Variants in POTEH observed in about 807,000 individuals in gnomAD.
POTEH encodes the protein ANKRD26-like family C member 3.
POTEH carries 6 observed loss-of-function variants against 41.7 expected under a neutral mutation model. The ratio of observed to expected loss-of-function variants is 0.14; its 90% CI spans 0.08 to 0.28. The LOEUF (loss-of-function observed/expected upper bound fraction) is 0.28, where lower values mean the gene tolerates loss of function less well. POTEH is among the 10% of genes least tolerant of loss of function. POTEH has a pLI of 1.00. For synonymous variants in POTEH, 38 were observed against 179.9 expected, an observed-to-expected ratio of 0.21 and a Z score of 6.31; for missense variants, 115 against 533.5, an observed-to-expected ratio of 0.22 and a Z score of 7.73.
At chr22:15,708,818 T>C in intron 7 of POTEH, among the ~76,000 whole-genome samples, 1 of 89,242 alleles carries the variant, frequency 1.1e-5, no homozygotes, top group African/African-American at 4.9e-5. Flanking sequence ...TATTGGATTA[T>C]ATTATTAAGC....
intron 1 of POTEH, among the ~76,000 whole-genome samples, chr22:15,693,395 A>G (rs1569284108): frequency 6.6e-6 from 1 of 152,170 alleles, no homozygotes; most frequent in East Asian, 1.9e-4. Flanking sequence ...TTGGCTATCT[A>G]CTGTGAACTT....
intron 1 of POTEH, 105 bp downstream of exon 1, chr22:15,690,814 T>A (rs1470157018): frequency 1.5e-6 from 2 of 1,344,792 alleles, no homozygotes; most frequent in African/African-American, 3.1e-5. Flanking sequence ...TCCACAGGCC[T>A]CACACCACCC....
chr22:15,714,524 A>G (rs1989892027), intron 9 of POTEH, among the ~76,000 whole-genome samples: 1 of 152,020 alleles, frequency 6.6e-6, no homozygotes, highest in Non-Finnish European at 1.5e-5. Context: ...TCTAGTGCTT[A>G]AAAACTCCAG....
At position 15,690,800 on chromosome 22, in the gene POTEH, T is replaced by C. The variant is rs1208472048; in HGVS notation, c.632+91T>C. On this transcript the variant is annotated intron_variant, in intron 1 of 10. Coordinates refer to ENST00000343518, the MANE Select transcript of POTEH (RefSeq NM_001136213.1). ...GGGGAGGAGGGGAGCCTGGTTTTCT[T>C]GCCTCCACAGGCCTCACACCACCCT... 3.5e-4 allele frequency: 486 copies of C among 1,376,766 alleles called. 78 individuals carry two copies. In the South Asian group the frequency reaches 5.3e-3, roughly 15 times the overall value. The allele number at this position is 1,376,766 out of a possible 1,614,324, so 85.3% of individuals were successfully genotyped here.
intron 1 of POTEH, among the ~76,000 whole-genome samples, chr22:15,694,216 A>C (rs1289459147): frequency 6.7e-5 from 5 of 74,970 alleles, no homozygotes; most frequent in Admixed American, 3.4e-4. Context: ...GAAGCAGGAA[A>C]TAGAATGAAC....
chr22:15,690,054 G>T lies in POTEH; in HGVS notation c.-24G>T, dbSNP rs767254502. The T allele has an allele frequency of 2.9e-5, 40 of 1,397,862 alleles. 11 individuals carry two copies. Among genetic ancestry groups the T allele is most frequent in the Non-Finnish European group, 3.2e-5 (32 of 1,008,034 alleles). The allele number at this position is 1,397,862 out of a possible 1,614,324, so 86.6% of individuals were successfully genotyped here. A position where few individuals can be genotyped will look rare whatever the true frequency, so the allele number is the denominator to read the frequency against. ...AGACGCGATCTGCTGGCTACTACCGGCCTTCCCTGGCTGTTAAAAGCAGAT... is the reference window on the plus strand; with the variant it reads ...AGACGCGATCTGCTGGCTACTACCGTCCTTCCCTGGCTGTTAAAAGCAGAT... On this transcript the variant is annotated 5_prime_UTR_variant, in exon 1 of 11. Coordinates refer to ENST00000343518, the MANE Select transcript of POTEH (RefSeq NM_001136213.1).
chr22:15,690,055 C>A lies in POTEH; in HGVS notation c.-23C>A, dbSNP rs199708248. On this transcript the variant is annotated 5_prime_UTR_variant, in exon 1 of 11. Coordinates refer to ENST00000343518, the MANE Select transcript of POTEH (RefSeq NM_001136213.1). ...GACGCGATCTGCTGGCTACTACCGG[C>A]CTTCCCTGGCTGTTAAAAGCAGATG... 67 of 1,397,812 alleles carry A rather than the reference C, an allele frequency of 4.8e-5. 17 individuals are homozygous for A. Among genetic ancestry groups the A allele is most frequent in the Non-Finnish European group, 6.4e-5 (65 of 1,008,042 alleles). The allele number at this position is 1,397,812 out of a possible 1,614,324, so 86.6% of individuals were successfully genotyped here.
chr22:15,705,372 T>C (rs1352493219), intron 6 of POTEH, among the ~76,000 whole-genome samples: 1 of 135,676 alleles, frequency 7.4e-6, no homozygotes, highest in Non-Finnish European at 1.6e-5. Context: ...TTTTTTTTTT[T>C]TTTGGTGTTA....
At position 15,691,355 on chromosome 22, in the gene POTEH, C is replaced by G. The variant is rs1414783291; in HGVS notation, c.632+646C>G. On this transcript the variant is annotated intron_variant, in intron 1 of 10. Transcript: ENST00000343518. ...TTGCTAACACGGTGAAACCCCGTCT[C>G]TACTAAAAAATATAAAAAAAATTAG... 7.0e-3 allele frequency among the ~76,000 whole-genome samples: 889 copies of G among 126,860 alleles called. 20 individuals carry two copies. Among genetic ancestry groups the G allele is most frequent in the African/African-American group, 0.025 (860 of 34,588 alleles). 83.2% of individuals were successfully genotyped at this position (126,860 alleles called of 152,430 possible). A position where few individuals can be genotyped will look rare whatever the true frequency, so the allele number is the denominator to read the frequency against.
Position 15,712,870 on chromosome 22 carries a change from T to C in POTEH, c.1520+1836T>C, listed in dbSNP as rs529158787. 1.3e-5 allele frequency among the ~76,000 whole-genome samples: 2 copies of C among 148,340 alleles called. 1 individual carries two copies. The highest frequency in any genetic ancestry group is 4.2e-4 in the East Asian group (2 of 4,762). On this transcript the variant is annotated intron_variant, in intron 9 of 10. Coordinates refer to ENST00000343518, the MANE Select transcript of POTEH (RefSeq NM_001136213.1). ...GACCTTTAGTATTTCTTGGTCTTTA[T>C]GTATAAGCATGAATGAACAAAATGA...
chr22:15,691,557 C>G (rs981123748), intron 1 of POTEH, among the ~76,000 whole-genome samples: 1 of 135,314 alleles, frequency 7.4e-6, no homozygotes, highest in East Asian at 2.1e-4. Flanking sequence ...TGAGCTTTTT[C>G]TATTTATCAC....
At chr22:15,711,327 G>A (rs1285541021) in intron 9 of POTEH, among the ~76,000 whole-genome samples, 3 of 152,194 alleles carry the variant, frequency 2.0e-5, no homozygotes, top group African/African-American at 7.2e-5. Flanking sequence ...TGGAGGTTTG[G>A]GTACAGATTA....
rs768991276 is a variant in POTEH at position 15,690,117 on chromosome 22, G to A, written c.40G>A (p.Val14Met). The change falls in exon 1 of 11, where the codon GTG becomes ATG. Residue 14 changes from valine to methionine, a missense_variant. Physicochemically the swap from Val to Met is conservative, Grantham distance 21. Transcript: ENST00000343518. ...EAGSMPAASSVKKPFGLRSKM... is the reference protein window; with the variant it reads ...EAGSMPAASSMKKPFGLRSKM... ...TGGTTCAATGCCGGCTGCCTCCTCTGTGAAGAAGCCATTTGGTCTCAGAAG... is the reference window on the plus strand; with the variant it reads ...TGGTTCAATGCCGGCTGCCTCCTCTATGAAGAAGCCATTTGGTCTCAGAAG... 12 of 1,407,716 alleles carry A rather than the reference G, an allele frequency of 8.5e-6. 2 individuals are homozygous for A. Among genetic ancestry groups the A allele is most frequent in the Non-Finnish European group, 1.2e-5 (12 of 1,014,594 alleles). 87.2% of individuals were successfully genotyped at this position (1,407,716 alleles called of 1,614,324 possible). A position where few individuals can be genotyped will look rare whatever the true frequency, so the allele number is the denominator to read the frequency against.
chr22:15,690,918 A>T lies in POTEH; in HGVS notation c.632+209A>T, dbSNP rs541563870. ...TTAGCTGATTTCCAATCAAATCATAATTTCCTTCCTAGAACACGAATAGAC... is the reference window on the plus strand; with the variant it reads ...TTAGCTGATTTCCAATCAAATCATATTTTCCTTCCTAGAACACGAATAGAC... On this transcript the variant is annotated intron_variant, in intron 1 of 10. Coordinates refer to ENST00000343518, the MANE Select transcript of POTEH (RefSeq NM_001136213.1). Among the ~76,000 whole-genome samples, 6 of 130,106 alleles carry T rather than the reference A, an allele frequency of 4.6e-5. 1 individual carries two copies. The highest frequency in any genetic ancestry group is 1.6e-4 in the African/African-American group (6 of 36,364). 85.4% of individuals were successfully genotyped at this position (130,106 alleles called of 152,430 possible).
intron 3 of POTEH, 135 bp downstream of exon 3, chr22:15,695,953 T>G: frequency 1.1e-5 from 1 of 91,474 alleles, no homozygotes. Context: ...GACCTAATTA[T>G]CTAAGATTTT....
chr22:15,706,889 CT>C (rs1451569722), intron 6 of POTEH, among the ~76,000 whole-genome samples: 668 of 149,794 alleles, frequency 4.5e-3, no homozygotes, highest in African/African-American at 0.016. Flanking sequence ...TGCTGTCACC[CT>C]TTCCTGCCCT....
intron 1 of POTEH, among the ~76,000 whole-genome samples, chr22:15,691,508 A>G (rs1402840071): frequency 1.7e-5 from 2 of 115,732 alleles, no homozygotes; most frequent in Non-Finnish European, 3.9e-5. Context: ...CCTGGGAGAC[A>G]GAGCAAGACT....
At chr22:15,719,487 C>G (rs1989983281) in intron 9 of POTEH, among the ~76,000 whole-genome samples, 173 bp from the exon 10 acceptor site, 1 of 149,240 alleles carries the variant, frequency 6.7e-6, no homozygotes, top group Admixed American at 6.6e-5. Context: ...AAACCAGTCC[C>G]TGGTGCCAGC....
intron 4 of POTEH, chr22:15,699,759 G>A (rs1226161924): frequency 3.6e-6 from 1 of 279,312 alleles, no homozygotes; most frequent in Non-Finnish European, 6.7e-6. Context: ...GGGAAGCTGT[G>A]ATGAAATCTT....
Sources: allele counts gnomAD v4.1 joint callset (sites outside exome capture counted in the v4.1 genomes callset), GRCh38; gene constraint gnomAD v4.1.1; transcripts MANE v1.5; gene names NCBI Gene and HGNC (gene_info 2026-07-23, HGNC 2026-07-21).